SSH2: variants seen among roughly 807,000 people sequenced by gnomAD.
SSH2 encodes the protein protein phosphatase Slingshot homolog 2.
A neutral mutation model predicts 135.2 loss-of-function variants in SSH2; 37 were observed. The observed-to-expected ratio is 0.27, with a 90% CI of 0.21 to 0.36. SSH2 has a LOEUF of 0.36. SSH2 is among the 10% of genes least tolerant of loss of function. The probability of loss-of-function intolerance (pLI) is 1.00; values close to 1 mark genes in which losing one functional copy is unlikely to be tolerated. For missense variants in SSH2, 1,408 were observed against 1,765.3 expected, an observed-to-expected ratio of 0.80 and a Z score of 3.63; for synonymous variants, 628 against 646.2, an observed-to-expected ratio of 0.97 and a Z score of 0.43.
intron 1 of SSH2, among the ~76,000 whole-genome samples, chr17:29,851,929 T>C (rs2065568814): frequency 6.6e-6 from 1 of 152,104 alleles, no homozygotes; most frequent in South Asian, 2.1e-4. Context: ...ATTACACTAG[T>C]TAAGATGTTG....
rs11449000 is a variant in SSH2 at position 29,725,347 on chromosome 17, C to CAAAAAAAAA, written c.189-22294_189-22286dup. ...GGGCGACACAGCAAGAATCAGTCTCCAAAAAAAAAAAAAAAAAAAAAAGCC... is the reference window on the plus strand; with the variant it reads ...GGGCGACACAGCAAGAATCAGTCTCCAAAAAAAAAAAAAAAAAAAAAAAAAAAAAAAGCC... On this transcript the variant is annotated intron_variant, in intron 3 of 15. Transcript: ENST00000540801. 1.1e-3 allele frequency among the ~76,000 whole-genome samples: 57 copies of CAAAAAAAAA among 52,760 alleles called. 3 individuals are homozygous for CAAAAAAAAA. The highest frequency in any genetic ancestry group is 1.2e-3 in the Non-Finnish European group (39 of 31,864). 34.6% of individuals were successfully genotyped at this position (52,760 alleles called of 152,430 possible). A position where few individuals can be genotyped will look rare whatever the true frequency, so the allele number is the denominator to read the frequency against.
intron 3 of SSH2, among the ~76,000 whole-genome samples, chr17:29,765,026 C>G (rs1324038085): frequency 6.6e-6 from 1 of 152,162 alleles, no homozygotes; most frequent in Non-Finnish European, 1.5e-5. Context: ...AAGCAATGTG[C>G]TATAAGCCAG....
chr17:29,687,485 A>C (rs2038273681), intron 5 of SSH2, among the ~76,000 whole-genome samples: 2 of 152,212 alleles, frequency 1.3e-5, no homozygotes, highest in Admixed American at 1.3e-4. Context: ...AGCGGAACTA[A>C]CATTTAAATG....
At chr17:29,889,802 CAAAAAAAAAAA>C (rs534822390) in intron 1 of SSH2, among the ~76,000 whole-genome samples, 2 of 49,470 alleles carry the variant, frequency 4.0e-5, no homozygotes, top group African/African-American at 7.5e-5. Context: ...CCATCTCTAC[CAAAAAAAAAAA>C]AAAAAAAAAA....
intron 3 of SSH2, among the ~76,000 whole-genome samples, chr17:29,785,646 C>A (rs1036763238): frequency 4.6e-5 from 7 of 151,466 alleles, no homozygotes; most frequent in African/African-American, 1.7e-4. Context: ...ATTACAGGAG[C>A]GTGCCATCAC....
At chr17:29,639,329 G>C (rs1184232497) in intron 14 of SSH2, among the ~76,000 whole-genome samples, 1 of 152,148 alleles carries the variant, frequency 6.6e-6, no homozygotes, top group African/African-American at 2.4e-5. Flanking sequence ...AGGTCACTAA[G>C]TATGGTCCTT....
intron 3 of SSH2, among the ~76,000 whole-genome samples, chr17:29,757,035 A>G (rs2041151753): frequency 6.6e-6 from 1 of 152,216 alleles, no homozygotes; most frequent in Non-Finnish European, 1.5e-5. Context: ...GAGGGTTCTC[A>G]GCAGTGACGA....
Position 29,908,763 on chromosome 17 carries a change from GAAA to G in SSH2, c.63+21172_63+21174del, listed in dbSNP as rs60242323. 4.6e-3 allele frequency among the ~76,000 whole-genome samples: 235 copies of G among 50,792 alleles called. 1 individual carries two copies. Among genetic ancestry groups the G allele is most frequent in the African/African-American group, 0.024 (228 of 9,454 alleles). The allele number at this position is 50,792 out of a possible 152,430, so 33.3% of individuals were successfully genotyped here. On this transcript the variant is annotated intron_variant, in intron 1 of 15. Transcript: ENST00000540801. Reference sequence around the variant, plus strand: ...TGGGCAACAGAGCAAGACTCCATCTGAAAAAAAAAAAAAAAAAAAAAAAAAAAA... The same window carrying G: ...TGGGCAACAGAGCAAGACTCCATCTGAAAAAAAAAAAAAAAAAAAAAAAAA...
intron 3 of SSH2, among the ~76,000 whole-genome samples, chr17:29,743,031 A>G: frequency 6.6e-6 from 1 of 152,124 alleles, no homozygotes; most frequent in Non-Finnish European, 1.5e-5. Flanking sequence ...TCCCGGGTTC[A>G]AGGGACTCTC....
At chr17:29,847,169 C>T (rs772246862) in intron 2 of SSH2, among the ~76,000 whole-genome samples, 31 of 152,102 alleles carry the variant, frequency 2.0e-4, no homozygotes, top group Admixed American at 2.6e-4. Context: ...ATTCCAAGAG[C>T]GGCCCAGTCT....
chr17:29,839,841 C>A (rs377569617), intron 2 of SSH2, among the ~76,000 whole-genome samples: 51 of 152,232 alleles, frequency 3.4e-4, no homozygotes, highest in African/African-American at 1.2e-3. Flanking sequence ...TAAAGAGCAC[C>A]GGCTGGGAGT....
chr17:29,908,760 T>A (rs1406489667), intron 1 of SSH2, among the ~76,000 whole-genome samples: 1 of 76,560 alleles, frequency 1.3e-5, no homozygotes, highest in Non-Finnish European at 2.2e-5. Flanking sequence ...CAAGACTCCA[T>A]CTGAAAAAAA....
intron 2 of SSH2, among the ~76,000 whole-genome samples, chr17:29,807,884 C>A (rs755300189): frequency 8.0e-6 from 1 of 125,608 alleles, no homozygotes; most frequent in African/African-American, 3.2e-5. Context: ...GAAAGCCAAT[C>A]GAGAAAAGTT....
chr17:29,722,597 G>A (rs2151169997), intron 3 of SSH2, among the ~76,000 whole-genome samples: 1 of 152,322 alleles, frequency 6.6e-6, no homozygotes, highest in South Asian at 2.1e-4. Flanking sequence ...CTATGCACGG[G>A]AAGATAACAT....
chr17:29,926,553 CAAA>C (rs577944888), intron 1 of SSH2, among the ~76,000 whole-genome samples: 9 of 105,424 alleles, frequency 8.5e-5, no homozygotes, highest in Admixed American at 3.1e-4. Flanking sequence ...GACCTTGTCT[CAAA>C]AAAAAAAAAA....
chr17:29,636,081 A>C lies in SSH2; in HGVS notation c.2149T>G (p.Ser717Ala). 3.7e-6 allele frequency: 6 copies of C among 1,614,210 alleles called. No individual in the cohort carries two copies. The highest frequency in any genetic ancestry group is 5.1e-6 in the Non-Finnish European group (6 of 1,180,032). ...TTGGAAGGGGCTACTTCTACCACTG[A>C]CAGTCGACAGCTCTCATTCCTTCCT... ...GGGRNESCRL[S>A]VVEVAPSKVT... Residue 717 changes from serine to alanine, a missense_variant, in exon 15 of 16, where the codon TCA (serine) becomes GCA (alanine). Physicochemically the swap from Ser to Ala is moderately conservative, Grantham distance 99 (BLOSUM62 1). Transcript: ENST00000540801.
intron 2 of SSH2, among the ~76,000 whole-genome samples, chr17:29,821,363 T>TGCCTCTGCCTCCC (rs1326612323): frequency 6.6e-6 from 1 of 151,984 alleles, no homozygotes; most frequent in East Asian, 1.9e-4. Flanking sequence ...GGGCTCCTCC[T>TGCCTCTGCCTCCC]GCCTCTGCCT....
chr17:29,681,608 T>C (rs1354411646), intron 6 of SSH2, among the ~76,000 whole-genome samples: 1 of 151,846 alleles, frequency 6.6e-6, no homozygotes, highest in African/African-American at 2.4e-5. Flanking sequence ...TATTATTTTA[T>C]AACTTAAAAT....
intron 1 of SSH2, among the ~76,000 whole-genome samples, chr17:29,905,680 G>A (rs1209111038): frequency 6.6e-6 from 1 of 152,194 alleles, no homozygotes; most frequent in Non-Finnish European, 1.5e-5. Flanking sequence ...GTGGAAGGGG[G>A]CGGGTCCCTG....
Sources: allele counts gnomAD v4.1 joint callset (sites outside exome capture counted in the v4.1 genomes callset), GRCh38; gene constraint gnomAD v4.1.1; transcripts MANE v1.5; gene names NCBI Gene and HGNC (gene_info 2026-07-23, HGNC 2026-07-21).